Variants in SMAD3 observed in about 807,000 individuals in gnomAD.
SMAD3 encodes the protein MAD homolog 3.
Under a neutral mutation model 51.8 loss-of-function variants are expected in SMAD3, and 12 were observed. The ratio of observed to expected loss-of-function variants is 0.23; its 90% CI spans 0.15 to 0.38. SMAD3 has a LOEUF of 0.38. Ranked by LOEUF, SMAD3 falls within the 10% of genes least tolerant of loss-of-function variation. The pLI is 1.00. For synonymous variants in SMAD3, 238 were observed against 227.7 expected (o/e 1.05, Z -0.41); for missense variants, 294 against 565.6 (o/e 0.52, Z 4.87).
At chr15:67,107,799 TTGAG>T (rs1356040523) in intron 1 of SMAD3, among the ~76,000 whole-genome samples, 2 of 152,150 alleles carry the variant, frequency 1.3e-5, no homozygotes, top group Non-Finnish European at 2.9e-5. Flanking sequence ...ATTGTTGAAA[TTGAG>T]TGGGGAATTT....
intron 1 of SMAD3, among the ~76,000 whole-genome samples, chr15:67,113,948 A>G (rs565668171): frequency 6.6e-6 from 1 of 152,340 alleles, no homozygotes; most frequent in South Asian, 2.1e-4. Flanking sequence ...TGTTTATTAC[A>G]TTCTTTGGCA....
chr15:67,160,728 G>A (rs1259144864), intron 1 of SMAD3, among the ~76,000 whole-genome samples: 1 of 122,836 alleles, frequency 8.1e-6, no homozygotes, highest in Admixed American at 1.1e-4. Context: ...CCAAGGTTGT[G>A]CCACTGCACT....
At chr15:67,083,999 T>C (rs1485260335) in intron 1 of SMAD3, among the ~76,000 whole-genome samples, 4 of 151,706 alleles carry the variant, frequency 2.6e-5, no homozygotes, top group Non-Finnish European at 5.9e-5. Flanking sequence ...TCTTCTCTTC[T>C]ACAAAATGAC....
chr15:67,148,966 G>C lies in SMAD3; in HGVS notation c.207-15929G>C, dbSNP rs186851540. 4.9e-3 allele frequency among the ~76,000 whole-genome samples: 744 copies of C among 152,320 alleles called. 5 individuals carry two copies. The highest frequency in any genetic ancestry group is 0.017 in the African/African-American group (694 of 41,556). ...CTGGCACAGTTGGGAAGGGAAGTCAGAAACACACAGAAGTCACTTCATCAT... is the reference window on the plus strand; with the variant it reads ...CTGGCACAGTTGGGAAGGGAAGTCACAAACACACAGAAGTCACTTCATCAT... On this transcript the variant is annotated intron_variant, in intron 1 of 8. Coordinates refer to ENST00000327367, the MANE Select transcript of SMAD3 (RefSeq NM_005902.4).
At chr15:67,134,222 A>C (rs1566979159) in intron 1 of SMAD3, among the ~76,000 whole-genome samples, 1 of 151,976 alleles carries the variant, frequency 6.6e-6, no homozygotes, top group Admixed American at 6.6e-5. Context: ...CCAGTCACCC[A>C]CCACTGCACA....
chr15:67,093,709 C>A (rs1293505416), intron 1 of SMAD3, among the ~76,000 whole-genome samples: 1 of 152,210 alleles, frequency 6.6e-6, no homozygotes, highest in Non-Finnish European at 1.5e-5. Context: ...GGTCGGGGTG[C>A]CTGCTGACTT....
intron 1 of SMAD3, among the ~76,000 whole-genome samples, chr15:67,067,068 C>G (rs1257664424): frequency 1.3e-5 from 2 of 151,948 alleles, no homozygotes; most frequent in Non-Finnish European, 1.5e-5. Flanking sequence ...CACCTCCCAC[C>G]CCCCCATCCC....
At chr15:67,068,173 T>G (rs866779899) in intron 1 of SMAD3, among the ~76,000 whole-genome samples, 1 of 152,144 alleles carries the variant, frequency 6.6e-6, no homozygotes, top group African/African-American at 2.4e-5. Flanking sequence ...GGCTTAAGAT[T>G]ATCACATTTT....
At chr15:67,084,323 T>TA (rs1960344633) in intron 1 of SMAD3, among the ~76,000 whole-genome samples, 1 of 151,846 alleles carries the variant, frequency 6.6e-6, no homozygotes, top group Non-Finnish European at 1.5e-5. Context: ...CCTCGTGATC[T>TA]GCCTGCCTCG....
chr15:67,066,543 A>C (rs975092833), intron 1 of SMAD3, among the ~76,000 whole-genome samples, 183 bp downstream of exon 1: 3 of 152,196 alleles, frequency 2.0e-5, no homozygotes, highest in South Asian at 4.1e-4. Flanking sequence ...CCCCAAACAA[A>C]ACCATCTCTG....
At chr15:67,125,136 G>C (rs983021003) in intron 1 of SMAD3, among the ~76,000 whole-genome samples, 1 of 152,176 alleles carries the variant, frequency 6.6e-6, no homozygotes, top group South Asian at 2.1e-4. Flanking sequence ...CTGGTGGCTG[G>C]GTGCATCCCC....
At chr15:67,118,678 C>G (rs993616567) in intron 1 of SMAD3, among the ~76,000 whole-genome samples, 5 of 152,190 alleles carry the variant, frequency 3.3e-5, no homozygotes, top group African/African-American at 9.6e-5. Context: ...TTCACAGTCT[C>G]TCAATGTGAT....
At position 67,165,288 on chromosome 15, in the gene SMAD3, A is replaced by G; in HGVS notation, c.436A>G (p.Ile146Val). 6.2e-7 allele frequency: 1 copy of G among 1,614,130 alleles called. No homozygotes were observed. Among genetic ancestry groups the G allele is most frequent in the Non-Finnish European group, 8.5e-7 (1 of 1,180,020 alleles). Reference protein sequence around the residue: ...PPVLVPRHTEIPAEFPPLDDY... With the variant: ...PPVLVPRHTEVPAEFPPLDDY... The stretch of plus-strand genomic sequence containing the variant: ...TGTGTTGGTGCCACGCCACACAGAG[A>G]TCCCGGCCGAGTTCCCCCCACTGGA... The change falls in exon 3 of 9, where the codon ATC becomes GTC. Residue 146 changes from isoleucine (I) to valine (V), a missense_variant. Ile to Val is a conservative substitution (Grantham distance 29). Transcript: ENST00000327367.
chr15:67,134,895 A>G (rs1442329838), intron 1 of SMAD3, among the ~76,000 whole-genome samples: 2 of 152,120 alleles, frequency 1.3e-5, no homozygotes, highest in Non-Finnish European at 2.9e-5. Flanking sequence ...GCAGACAAGG[A>G]ATCTGAGGTT....
intron 6 of SMAD3, among the ~76,000 whole-genome samples, chr15:67,182,730 A>G (rs1963092302): frequency 6.6e-6 from 1 of 151,750 alleles, no homozygotes; most frequent in South Asian, 2.1e-4. Flanking sequence ...CAGAGACCTC[A>G]TTGTCAGTGA....
At chr15:67,182,050 G>A (rs1963076357) in intron 6 of SMAD3, among the ~76,000 whole-genome samples, 1 of 152,170 alleles carries the variant, frequency 6.6e-6, no homozygotes, top group Admixed American at 6.5e-5. Context: ...GCCTCCCAAA[G>A]TGCTGGGATT....
intron 1 of SMAD3, among the ~76,000 whole-genome samples, chr15:67,110,305 A>G (rs1050769249): frequency 2.0e-5 from 3 of 152,180 alleles, no homozygotes; most frequent in African/African-American, 7.2e-5. Flanking sequence ...TCGAGGGAGA[A>G]TCACCACCTC....
chr15:67,101,651 G>A (rs1960760619), intron 1 of SMAD3, among the ~76,000 whole-genome samples: 1 of 152,192 alleles, frequency 6.6e-6, no homozygotes, highest in Non-Finnish European at 1.5e-5. Context: ...TGGAAGTTCA[G>A]TTATACTCTC....
intron 5 of SMAD3, among the ~76,000 whole-genome samples, chr15:67,178,911 C>T (rs1372676514): frequency 6.6e-6 from 1 of 152,046 alleles, no homozygotes; most frequent in Non-Finnish European, 1.5e-5. Context: ...TTCCTTTGCT[C>T]CACCCCAGGA....
Sources: allele counts gnomAD v4.1 joint callset (sites outside exome capture counted in the v4.1 genomes callset), GRCh38; gene constraint gnomAD v4.1.1; transcripts MANE v1.5; gene names NCBI Gene and HGNC (gene_info 2026-07-23, HGNC 2026-07-21).